The following TMSB15B variants were observed in gnomAD, a reference collection of about 807,000 sequenced individuals.
TMSB15B encodes the protein thymosin beta-15B.
At chrX:103,921,766 A>G (rs1556317855) in intron 1 of TMSB15B, among the ~76,000 whole-genome samples, 1 of 112,429 alleles carries the variant, frequency 8.9e-6, no homozygotes, top group Admixed American at 9.4e-5. Context: ...TGTACCAGGA[A>G]CTTTCTATCT....
intron 1 of TMSB15B, among the ~76,000 whole-genome samples, chrX:103,942,220 A>G (rs1435805966): frequency 8.9e-6 from 1 of 111,935 alleles, no homozygotes; most frequent in Non-Finnish European, 1.9e-5. Flanking sequence ...TTTATACTAT[A>G]ATAACATTTA....
intron 1 of TMSB15B, among the ~76,000 whole-genome samples, chrX:103,939,438 G>C (rs782116033): frequency 1.2e-4 from 13 of 108,707 alleles, no homozygotes; most frequent in Non-Finnish European, 2.5e-4. Flanking sequence ...TCTTCCGCTT[G>C]ATCGATTTGA....
intron 1 of TMSB15B, among the ~76,000 whole-genome samples, chrX:103,929,852 ATTATTTTATT>A (rs782263221): frequency 1.1e-4 from 12 of 110,466 alleles, no homozygotes; most frequent in Admixed American, 1.9e-4. Flanking sequence ...ATTTTTAAAA[ATTATTTTATT>A]TTATTTTATT....
At chrX:103,929,355 G>A in intron 1 of TMSB15B, among the ~76,000 whole-genome samples, 1 of 111,783 alleles carries the variant, frequency 8.9e-6, no homozygotes, top group East Asian at 2.8e-4. Flanking sequence ...CCTTACTTAG[G>A]CACTCTGAGC....
At chrX:103,919,591 A>G (rs1265846647) in intron 1 of TMSB15B, 6 of 111,765 alleles carry the variant, frequency 5.4e-5, no homozygotes, top group African/African-American at 2.0e-4. Flanking sequence ...TGCAGAGCTA[A>G]GAGCTCACTC....
chrX:103,948,346 A>T (rs781950757), intron 1 of TMSB15B, among the ~76,000 whole-genome samples: 20 of 111,854 alleles, frequency 1.8e-4, no homozygotes, highest in Non-Finnish European at 3.4e-4. Flanking sequence ...TGCTGGTATG[A>T]ATGTAAATTG....
At chrX:103,939,872 G>T (rs1372794195) in intron 1 of TMSB15B, among the ~76,000 whole-genome samples, 1 of 111,920 alleles carries the variant, frequency 8.9e-6, no homozygotes, top group African/African-American at 3.3e-5. Flanking sequence ...GCTGTTGATG[G>T]TATTGCTTTC....
At chrX:103,923,075 T>G (rs2074958315) in intron 1 of TMSB15B, among the ~76,000 whole-genome samples, 2 of 112,382 alleles carry the variant, frequency 1.8e-5, no homozygotes, top group Admixed American at 1.9e-4. Flanking sequence ...GTACATTTGT[T>G]TAGGTTCTTT....
At chrX:103,954,530 G>A (rs1442641564) in intron 1 of TMSB15B, among the ~76,000 whole-genome samples, 44 of 111,648 alleles carry the variant, frequency 3.9e-4, no homozygotes, top group African/African-American at 1.4e-3. Flanking sequence ...ATCACTCTGC[G>A]GGCACCTGTC....
chrX:103,945,486 A>G lies in TMSB15B; in HGVS notation c.-720-16535A>G, dbSNP rs1361938429. Reference sequence around the variant, plus strand: ...CTTGCATAACCAATTCAGTCCCACAAAGAGTAAGAACTGACTCACTCCCAC... The same window carrying G: ...CTTGCATAACCAATTCAGTCCCACAGAGAGTAAGAACTGACTCACTCCCAC... On this transcript the variant is annotated intron_variant, in intron 1 of 3. Transcript: ENST00000419165. 3.6e-5 allele frequency among the ~76,000 whole-genome samples: 4 copies of G among 111,894 alleles called. No individual in the cohort carries two copies. The East Asian group carries it at 1.1e-3, about 31-fold the overall frequency.
At position 103,931,323 on chromosome X, in the gene TMSB15B, ACTT is replaced by A. The variant is rs1394998019; in HGVS notation, c.-721+12035_-721+12037del. The stretch of plus-strand genomic sequence containing the variant: ...CATCCATGTCCCTTTCTTCATTTTA[ACTT>A]CTTATTTAAAAATAATTTCAAACAT... On this transcript the variant is annotated intron_variant, in intron 1 of 3. Coordinates refer to the TMSB15B transcript ENST00000419165. 3.6e-5 allele frequency: 4 copies of A among 112,224 alleles called. No homozygotes were observed. The East Asian group carries it at 1.1e-3, about 31-fold the overall frequency. The allele number at this position is 112,224 out of a possible 1,213,427, so 9.2% of individuals were successfully genotyped here. A position where few individuals can be genotyped will look rare whatever the true frequency, so the allele number is the denominator to read the frequency against.
intron 1 of TMSB15B, among the ~76,000 whole-genome samples, chrX:103,946,064 T>G (rs1227870223): frequency 8.9e-6 from 1 of 112,191 alleles, no homozygotes; most frequent in African/African-American, 3.2e-5. Flanking sequence ...CACAGTTTCA[T>G]GTATTCTGTC....
At chrX:103,943,941 T>A (rs1248162081) in intron 1 of TMSB15B, among the ~76,000 whole-genome samples, 1 of 112,198 alleles carries the variant, frequency 8.9e-6, no homozygotes, top group East Asian at 2.8e-4. Flanking sequence ...TGATGTAACA[T>A]TTAAAATCAT....
At chrX:103,922,671 G>A (rs1416667991) in intron 1 of TMSB15B, among the ~76,000 whole-genome samples, 1 of 111,496 alleles carries the variant, frequency 9.0e-6, no homozygotes, top group Non-Finnish European at 1.9e-5. Context: ...AAACATGCAT[G>A]TGCATGTGTC....
intron 1 of TMSB15B, among the ~76,000 whole-genome samples, chrX:103,922,969 A>T (rs782504777): frequency 8.9e-6 from 1 of 112,238 alleles, no homozygotes; most frequent in African/African-American, 3.2e-5. Flanking sequence ...GATGATGAGC[A>T]TTTTTTCATG....
chrX:103,946,812 C>A (rs2147824454), intron 1 of TMSB15B, among the ~76,000 whole-genome samples: 1 of 111,312 alleles, frequency 9.0e-6, no homozygotes, highest in East Asian at 2.8e-4. Flanking sequence ...AAATCATGTC[C>A]TCAGAGTAGA....
intron 1 of TMSB15B, among the ~76,000 whole-genome samples, chrX:103,922,706 C>G (rs1556318042): frequency 9.0e-6 from 1 of 111,542 alleles, no homozygotes; most frequent in Non-Finnish European, 1.9e-5. Flanking sequence ...ATTTATAATC[C>G]TTTGGGTATA....
At chrX:103,928,207 C>A in intron 1 of TMSB15B, 1 of 1,194,959 alleles carries the variant, frequency 8.4e-7, no homozygotes, top group Non-Finnish European at 1.1e-6. Flanking sequence ...GGGCTGTTTC[C>A]AACTCTATGT....
At chrX:103,938,057 G>C (rs1161259569) in intron 1 of TMSB15B, among the ~76,000 whole-genome samples, 5 of 111,560 alleles carry the variant, frequency 4.5e-5, no homozygotes, top group Non-Finnish European at 7.5e-5. Flanking sequence ...CTGTTCTTTT[G>C]CATTTGCTGA....
Sources: allele counts gnomAD v4.1 joint callset (sites outside exome capture counted in the v4.1 genomes callset), GRCh38; gene constraint gnomAD v4.1.1; transcripts MANE v1.5; gene names NCBI Gene and HGNC (gene_info 2026-07-23, HGNC 2026-07-21).